IGFN1: variants seen among roughly 807,000 people sequenced by gnomAD.
The protein encoded by IGFN1 is immunoglobulin-like and fibronectin type III domain-containing protein 1.
In IGFN1, 253 loss-of-function variants were observed where a neutral mutation model predicts 289.5. The ratio of observed to expected loss-of-function variants is 0.87; its 90% confidence interval spans 0.79 to 0.97. The LOEUF is 0.97. IGFN1 is among the 50% of genes least tolerant of loss of function. The probability of loss-of-function intolerance (pLI) is 0.00; values close to 1 mark genes in which losing one functional copy is unlikely to be tolerated. For missense variants in IGFN1, 4,470 were observed against 4,686.1 expected, an observed-to-expected ratio of 0.95 and a Z score of 1.35; for synonymous variants, 1,706 against 1,788.5, an observed-to-expected ratio of 0.95 and a Z score of 1.16.
At chr1:201,200,432 C>A (rs1238085584) in intron 8 of IGFN1, 21 bp downstream of exon 8, 5 of 1,542,538 alleles carry the variant, frequency 3.2e-6, no homozygotes, top group African/African-American at 1.4e-5. Context: ...CCATTCCCAC[C>A]CCTCACTCCA....
rs1294107787 is a variant in IGFN1, at chr1:201,210,734, T to C, written c.5841T>C (p.Gly1947=). 2.6e-6 allele frequency: 4 copies of C among 1,528,496 alleles called. No homozygotes were observed. The highest frequency in any genetic ancestry group is 3.5e-6 in the Non-Finnish European group (4 of 1,144,050). 94.7% of individuals were successfully genotyped at this position (1,528,496 alleles called of 1,614,324 possible). The part of the protein sequence containing the change: ...GSGSKEGFRD[G]LGGSEEMGSV... Reference sequence around the variant, plus strand: ...GGAGTAAGGAAGGTTTCAGGGATGGTTTAGGGGGTTCTGAAGAAATGGGGT... The same window carrying C: ...GGAGTAAGGAAGGTTTCAGGGATGGCTTAGGGGGTTCTGAAGAAATGGGGT... The change falls in exon 12 of 24, where the codon GGT becomes GGC. Residue 1947 remains glycine (G), a synonymous_variant. Coordinates refer to ENST00000335211, the MANE Select transcript of IGFN1 (RefSeq NM_001164586.2).
chr1:201,215,903 A>C, intron 15 of IGFN1, 65 bp downstream of exon 15: 4 of 1,477,590 alleles, frequency 2.7e-6, no homozygotes, highest in Non-Finnish European at 3.7e-6. Flanking sequence ...CCTCCCTGCC[A>C]TCAAGGGCAG....
At chr1:201,227,963 T>C (rs981750284) in intron 23 of IGFN1, among the ~76,000 whole-genome samples, 1 of 152,230 alleles carries the variant, frequency 6.6e-6, no homozygotes, top group African/African-American at 2.4e-5. Flanking sequence ...CACAGATATA[T>C]ATGTTAATAA....
Position 201,207,274 on chromosome 1 carries a change from G to C in IGFN1, c.2381G>C (p.Arg794Thr). The change falls in exon 12 of 24, where the codon AGG becomes ACG. Residue 794 changes from arginine to threonine, a missense_variant. Transcript: ENST00000335211. ...GGTGTCCTACAGGAGCTCAGGGGAA[G>C]GGATGGCCAGGAAACAGCTTGGGCC... ...CEGVLQELRGRDGQETAWASG... is the reference protein window; with the variant it reads ...CEGVLQELRGTDGQETAWASG... The C allele has an allele frequency of 6.5e-7, 1 of 1,536,800 alleles. No homozygotes were observed. Among genetic ancestry groups the C allele is most frequent in the Non-Finnish European group, 8.7e-7 (1 of 1,146,898 alleles).
In IGFN1 at chr1:201,207,298, C is replaced by T. The variant is rs758474117; in HGVS notation, c.2405C>T (p.Ala802Val). Reference sequence around the variant, plus strand: ...AGGGATGGCCAGGAAACAGCTTGGGCCTCGGGTGAGGTAGAGTATGACCCC... The same window carrying T: ...AGGGATGGCCAGGAAACAGCTTGGGTCTCGGGTGAGGTAGAGTATGACCCC... ...RGRDGQETAW[A>V]SGEVEYDPRS... The change falls in exon 12 of 24, where the codon GCC becomes GTC. Residue 802 changes from alanine to valine, a missense_variant. Coordinates refer to ENST00000335211, the MANE Select transcript of IGFN1 (RefSeq NM_001164586.2). 2 of 1,536,664 alleles carry T rather than the reference C, an allele frequency of 1.3e-6. No individual in the cohort carries two copies. Among genetic ancestry groups the T allele is most frequent in the African/African-American group, 1.4e-5 (1 of 73,134 alleles).
rs1233143069 is a variant in IGFN1 at position 201,215,520 on chromosome 1, T to C, written c.8996-19T>C. Reference sequence around the variant, plus strand: ...GCCCAGTGCCCTGGTCTTCCTTGACTCTCTTGTTTTATTTCTAGATTCCCC... The same window carrying C: ...GCCCAGTGCCCTGGTCTTCCTTGACCCTCTTGTTTTATTTCTAGATTCCCC... On this transcript the variant is annotated intron_variant, in intron 14 of 23. Coordinates refer to ENST00000335211, the MANE Select transcript of IGFN1 (RefSeq NM_001164586.2). 1 of 1,535,634 alleles carries C rather than the reference T, an allele frequency of 6.5e-7. No individual in the cohort carries two copies. The highest frequency in any genetic ancestry group is 1.3e-5 in the South Asian group (1 of 78,104).
intron 17 of IGFN1, among the ~76,000 whole-genome samples, 172 bp downstream of exon 17, chr1:201,217,632 A>G (rs1653410869): frequency 6.6e-6 from 1 of 152,184 alleles, no homozygotes; most frequent in Non-Finnish European, 1.5e-5. Flanking sequence ...TGTTACAGGC[A>G]TCTAGTGCAA....
chr1:201,197,295 A>G lies in IGFN1; in HGVS notation c.345A>G (p.Ser115=). 1.3e-6 allele frequency: 2 copies of G among 1,551,004 alleles called. No individual in the cohort carries two copies. Among genetic ancestry groups the G allele is most frequent in the Non-Finnish European group, 1.7e-6 (2 of 1,146,408 alleles). The change falls in exon 5 of 24, where the codon TCA becomes TCG. Residue 115 remains serine, a synonymous_variant. Coordinates refer to ENST00000335211, the MANE Select transcript of IGFN1 (RefSeq NM_001164586.2). ...AVNAYGEAAC[S]VRLTVIEVGF... ...ATGCGTACGGAGAGGCCGCTTGCTC[A>G]GTGAGACTCACTGTCATCGAAGGTG...
Position 201,209,928 on chromosome 1 carries a change from G to A in IGFN1, c.5035G>A (p.Gly1679Arg). The change falls in exon 12 of 24, where the codon GGG becomes AGG. Residue 1679 changes from glycine (G) to arginine (R), a missense_variant. Gly to Arg is a moderately radical substitution (Grantham distance 125). Around this residue, in one of 8 missense-constraint regions of IGFN1, gnomAD observed 49 missense variants for 62.6 expected, o/e 0.78. Transcript: ENST00000335211. ...TGAGGCAGGTTATAGGAAGAATTTG[G>A]GGGCTCCTGAGGGAATAGGTTCAGG... ...MDEAGYRKNLGAPEGIGSGSK... is the reference protein window; with the variant it reads ...MDEAGYRKNLRAPEGIGSGSK... 6.9e-7 allele frequency: 1 copy of A among 1,454,180 alleles called. No homozygotes were observed. The highest frequency in any genetic ancestry group is 9.2e-7 in the Non-Finnish European group (1 of 1,084,196). 90.1% of individuals were successfully genotyped at this position (1,454,180 alleles called of 1,614,324 possible).
chr1:201,220,706 C>T, intron 18 of IGFN1, among the ~76,000 whole-genome samples: 1 of 152,234 alleles, frequency 6.6e-6, no homozygotes, highest in East Asian at 1.9e-4. Context: ...CCCCAGGTAA[C>T]TTCTATACTA....
chr1:201,211,253 T>G lies in IGFN1; in HGVS notation c.6360T>G (p.Ser2120Arg). Residue 2120 changes from serine (S) to arginine (R), a missense_variant, in exon 12 of 24, where the codon AGT (serine) becomes AGG (arginine). Physicochemically the swap from Ser to Arg is moderately radical, Grantham distance 110 (BLOSUM62 -1). Transcript: ENST00000335211. ...CTCCTGAGGGAATAGGTTCAGGAAGTAAGGCAGGTTTTAGGGATGGTTTAG... is the reference window on the plus strand; with the variant it reads ...CTCCTGAGGGAATAGGTTCAGGAAGGAAGGCAGGTTTTAGGGATGGTTTAG... Reference protein sequence around the residue: ...LGAPEGIGSGSKAGFRDGLGS... With the variant: ...LGAPEGIGSGRKAGFRDGLGS... 2 of 1,527,936 alleles carry G rather than the reference T, an allele frequency of 1.3e-6. No individual in the cohort carries two copies. The highest frequency in any genetic ancestry group is 1.7e-6 in the Non-Finnish European group (2 of 1,143,266). 94.6% of individuals were successfully genotyped at this position (1,527,936 alleles called of 1,614,324 possible). A position where few individuals can be genotyped will look rare whatever the true frequency, so the allele number is the denominator to read the frequency against.
In IGFN1 at chr1:201,194,264, C is replaced by A; in HGVS notation, c.118C>A (p.Leu40Met). ...DFEQKPVTSA[L>M]PEGKNAVFRA... The stretch of plus-strand genomic sequence containing the variant: ...TGAGCAGAAGCCCGTCACCTCGGCT[C>A]TGCCAGAGGGTGAGCCCAGAGGGGA... The change falls in exon 3 of 24, where the codon CTG becomes ATG. Residue 40 changes from leucine (L) to methionine (M), a missense_variant. Leu to Met is a conservative substitution (Grantham distance 15). Around this residue, in one of 8 missense-constraint regions of IGFN1, gnomAD observed 2,011 missense variants for 1,953.4 expected, o/e 1.03. Coordinates refer to ENST00000335211, the MANE Select transcript of IGFN1 (RefSeq NM_001164586.2). The A allele has an allele frequency of 6.4e-7, 1 of 1,551,466 alleles. No homozygotes were observed. Among genetic ancestry groups the A allele is most frequent in the South Asian group, 1.2e-5 (1 of 84,054 alleles).
In IGFN1 at chr1:201,221,757, C is replaced by T. The variant is rs1285354517; in HGVS notation, c.10201+11C>T. 3 of 1,563,502 alleles carry T rather than the reference C, an allele frequency of 1.9e-6. No homozygotes were observed. The highest frequency in any genetic ancestry group is 1.8e-5 in the Admixed American group (1 of 56,470). On this transcript the variant is annotated intron_variant, in intron 19 of 23. Transcript: ENST00000335211. ...CCATGCCTGTTACTGGTGAGTGCTG[C>T]CTCCTTCCCCGACCCCTGAGCCCTG... is the stretch of plus-strand genomic sequence containing the variant.
At chr1:201,224,079 T>C (rs889525271) in intron 20 of IGFN1, among the ~76,000 whole-genome samples, 1 of 152,226 alleles carries the variant, frequency 6.6e-6, no homozygotes, top group African/African-American at 2.4e-5. Context: ...CGTTTGACTC[T>C]GGTGCCCACC....
chr1:201,198,456 G>A (rs1190017593), intron 5 of IGFN1, among the ~76,000 whole-genome samples: 1 of 151,734 alleles, frequency 6.6e-6, no homozygotes, highest in Non-Finnish European at 1.5e-5. Flanking sequence ...TATTTTTTGA[G>A]ACCTGTTGCC....
chr1:201,214,025 G>A (rs192652231), intron 12 of IGFN1, 152 bp from the exon 13 acceptor site: 1 of 756,314 alleles, frequency 1.3e-6, no homozygotes, highest in Non-Finnish European at 2.1e-6. Flanking sequence ...GGGAAGACCA[G>A]GGCATTGGAG....
In IGFN1 at chr1:201,208,662, G is replaced by A. The variant is rs1294665876; in HGVS notation, c.3769G>A (p.Gly1257Arg). The change falls in exon 12 of 24, where the codon GGA becomes AGA. Residue 1257 changes from glycine to arginine, a missense_variant. By Grantham distance (125) the Gly-to-Arg change is moderately radical. Coordinates refer to ENST00000335211, the MANE Select transcript of IGFN1 (RefSeq NM_001164586.2). Reference sequence around the variant, plus strand: ...TGAGGCAGGCTTTAGAGATGGTTCAGGAGGCCTCCAAGGAATGGGATCAGC... The same window carrying A: ...TGAGGCAGGCTTTAGAGATGGTTCAAGAGGCCTCCAAGGAATGGGATCAGC... ...GGEAGFRDGS[G>R]GLQGMGSADG... 2.3e-5 allele frequency: 35 copies of A among 1,536,296 alleles called. No homozygotes were observed. The highest frequency in any genetic ancestry group is 3.1e-5 in the Non-Finnish European group (35 of 1,146,526).
At position 201,225,889 on chromosome 1, in the gene IGFN1, T is replaced by G; in HGVS notation, c.10552T>G (p.Trp3518Gly). 1 of 1,612,628 alleles carries G rather than the reference T, an allele frequency of 6.2e-7. No homozygotes were observed. Among genetic ancestry groups the G allele is most frequent in the Non-Finnish European group, 8.5e-7 (1 of 1,179,544 alleles). The change falls in exon 22 of 24, where the codon TGG becomes GGG. Residue 3518 changes from tryptophan (W) to glycine (G), a missense_variant. Coordinates refer to ENST00000335211, the MANE Select transcript of IGFN1 (RefSeq NM_001164586.2). ...CGTGCCTGGGACGGTGACGGCCGAG[T>G]GGGAACCCTCTCCTGACGAGGCCCA... ...ENVPGTVTAE[W>G]EPSPDEAQDV... is the part of the protein sequence containing the mutation.
intron 4 of IGFN1, among the ~76,000 whole-genome samples, 198 bp from the exon 5 acceptor site, chr1:201,197,020 G>T (rs748158629): frequency 1.8e-4 from 27 of 152,154 alleles, no homozygotes; most frequent in Non-Finnish European, 1.0e-4. Context: ...GCCTCTGATG[G>T]CAAAGAATTG....
Sources: gnomAD v4.1 joint callset for allele counts (sites outside exome capture counted in the v4.1 genomes callset) on GRCh38, gnomAD v4.1.1 for gene constraint, gnomAD v4.1.1 regional missense constraint, MANE v1.5 for transcripts, NCBI Gene and HGNC (gene_info 2026-07-23, HGNC 2026-07-21) for gene names.